Variants in EYS observed in about 807,000 individuals in gnomAD.
EYS encodes the protein protein eyes shut homolog.
A neutral mutation model predicts 282.1 loss-of-function variants in EYS; 250 were observed. That is an observed-to-expected ratio of 0.89 (90% CI 0.80 to 0.98). EYS has a LOEUF of 0.98. Ranked by LOEUF, EYS falls within the 50% of genes least tolerant of loss-of-function variation. The probability of loss-of-function intolerance (pLI) is 0.00; values close to 1 mark genes in which losing one functional copy is unlikely to be tolerated. For missense variants in EYS, 4,016 were observed against 3,709.0 expected, an observed-to-expected ratio of 1.08 and a Z score of -2.15; for synonymous variants, 1,355 against 1,282.9, an observed-to-expected ratio of 1.06 and a Z score of -1.20.
At chr6:64,468,065 C>T (rs1205682941) in intron 26 of EYS, among the ~76,000 whole-genome samples, 2 of 152,136 alleles carry the variant, frequency 1.3e-5, no homozygotes, top group Non-Finnish European at 2.9e-5. Context: ...TGTCTGGAGA[C>T]CTGAGAACCA....
intron 31 of EYS, 42 bp downstream of exon 31, chr6:64,230,550 G>A (rs974481688): frequency 1.4e-6 from 2 of 1,440,042 alleles, no homozygotes; most frequent in African/African-American, 2.8e-5. Context: ...CTCTGGAGAG[G>A]TTTTTAAAAA....
chr6:63,849,597 G>A (rs1265854061), intron 36 of EYS, among the ~76,000 whole-genome samples: 4 of 152,056 alleles, frequency 2.6e-5, no homozygotes, highest in African/African-American at 9.7e-5. Flanking sequence ...ACTGTTAGAA[G>A]GAAAACTAAC....
intron 1 of EYS, among the ~76,000 whole-genome samples, chr6:65,649,679 C>A (rs1767584031): frequency 6.6e-6 from 1 of 152,078 alleles, no homozygotes; most frequent in South Asian, 2.1e-4. Flanking sequence ...GCTCCTTTCT[C>A]TAGATCAGAA....
intron 29 of EYS, among the ~76,000 whole-genome samples, chr6:64,312,525 C>T (rs1206838598): frequency 1.3e-5 from 2 of 152,204 alleles, no homozygotes; most frequent in East Asian, 3.9e-4. Context: ...ATCGTTTGAG[C>T]TCTGTTAAGG....
chr6:64,752,778 A>T (rs952358635), intron 22 of EYS, among the ~76,000 whole-genome samples: 3 of 152,184 alleles, frequency 2.0e-5, no homozygotes, highest in African/African-American at 7.2e-5. Context: ...ATCACCTCTA[A>T]AGGACATCTC....
intron 19 of EYS, among the ~76,000 whole-genome samples, chr6:64,837,655 T>C (rs553521139): frequency 7.2e-6 from 1 of 139,092 alleles, no homozygotes; most frequent in African/African-American, 2.6e-5. Flanking sequence ...ATATGATATA[T>C]GATATGTATA....
At chr6:64,445,090 G>A (rs918286080) in intron 26 of EYS, among the ~76,000 whole-genome samples, 3 of 152,104 alleles carry the variant, frequency 2.0e-5, no homozygotes, top group African/African-American at 7.2e-5. Context: ...AAATATAATT[G>A]CTTTTGTTTA....
At position 64,769,175 on chromosome 6, in the gene EYS, C is replaced by T. The variant is rs187022517; in HGVS notation, c.3443+44203G>A. Among the ~76,000 whole-genome samples the T allele has an allele frequency of 4.6e-5, 7 of 152,212 alleles. No homozygotes were observed. In the East Asian group the frequency reaches 1.4e-3, roughly 29 times the overall value. On this transcript the variant is annotated intron_variant, in intron 22 of 42. Coordinates refer to ENST00000503581, the MANE Select transcript of EYS (RefSeq NM_001142800.2). ...ACTAAAGAAGGTGCGCCTCACTCTA[C>T]TATTACAGGCCTAAATCATTTCTTT... is the stretch of plus-strand genomic sequence containing the variant.
intron 41 of EYS, among the ~76,000 whole-genome samples, chr6:63,739,381 C>G (rs369141135): frequency 2.0e-5 from 3 of 152,120 alleles, no homozygotes; most frequent in East Asian, 3.9e-4. Context: ...TCTTTAGAGT[C>G]ATTTCACATT....
chr6:65,394,430 C>T (rs1183507134), intron 7 of EYS, among the ~76,000 whole-genome samples: 1 of 152,040 alleles, frequency 6.6e-6, no homozygotes, highest in South Asian at 2.1e-4. Flanking sequence ...AAGAGGTGAT[C>T]AGAGACCCTA....
intron 31 of EYS, among the ~76,000 whole-genome samples, chr6:64,106,626 T>TTG (rs35062611): frequency 0.21 from 31,927 of 150,496 alleles, 4,099 homozygotes; most frequent in East Asian, 0.42. Flanking sequence ...GTAGCTGGTT[T>TTG]TGTGTGTGTG....
intron 12 of EYS, among the ~76,000 whole-genome samples, chr6:65,288,976 A>T (rs944937111): frequency 4.6e-5 from 7 of 151,030 alleles, no homozygotes; most frequent in Admixed American, 2.6e-4. Context: ...CAGACAAAAT[A>T]ATCAATTGAA....
At chr6:65,139,073 C>T (rs541224124) in intron 12 of EYS, among the ~76,000 whole-genome samples, 2 of 152,076 alleles carry the variant, frequency 1.3e-5, no homozygotes, top group African/African-American at 4.8e-5. Context: ...CCCAGAAATC[C>T]CATCACTGAT....
chr6:64,875,668 C>T (rs987223947), intron 19 of EYS, among the ~76,000 whole-genome samples: 16 of 152,110 alleles, frequency 1.1e-4, no homozygotes, highest in African/African-American at 3.9e-4. Flanking sequence ...GAGCCTAACA[C>T]ATTAAATCAT....
chr6:64,107,770 C>A (rs796071218), intron 31 of EYS, among the ~76,000 whole-genome samples: 9 of 152,132 alleles, frequency 5.9e-5, no homozygotes, highest in African/African-American at 2.2e-4. Flanking sequence ...AAAGGAACTG[C>A]TGTAAATAGG....
chr6:64,448,766 TA>T (rs1164390386), intron 26 of EYS, among the ~76,000 whole-genome samples: 1 of 152,092 alleles, frequency 6.6e-6, no homozygotes, highest in African/African-American at 2.4e-5. Context: ...GGACCTCCAG[TA>T]AACTCCAACA....
At chr6:64,045,445 T>C (rs946638329) in intron 33 of EYS, among the ~76,000 whole-genome samples, 1 of 149,940 alleles carries the variant, frequency 6.7e-6, no homozygotes, top group African/African-American at 2.4e-5. Flanking sequence ...TTATTTATTT[T>C]ATTTTATTTT....
chr6:64,860,044 T>C (rs993472695), intron 19 of EYS, among the ~76,000 whole-genome samples: 1 of 152,264 alleles, frequency 6.6e-6, no homozygotes, highest in Non-Finnish European at 1.5e-5. Flanking sequence ...CTTTGTTTCT[T>C]ACTTTTAAAA....
chr6:65,091,159 C>A (rs1289737429), intron 12 of EYS, among the ~76,000 whole-genome samples: 1 of 150,738 alleles, frequency 6.6e-6, no homozygotes, highest in Non-Finnish European at 1.5e-5. Context: ...AACTGCCAGG[C>A]ACGGTGGCTT....
Sources: allele counts gnomAD v4.1 joint callset (sites outside exome capture counted in the v4.1 genomes callset), GRCh38; gene constraint gnomAD v4.1.1; transcripts MANE v1.5; gene names NCBI Gene and HGNC (gene_info 2026-07-23, HGNC 2026-07-21).